The following DLG2 variants were observed in gnomAD, a reference collection of about 807,000 sequenced individuals.
The protein encoded by DLG2 is discs large MAGUK scaffold protein 2.
A neutral mutation model predicts 132.5 loss-of-function variants in DLG2; 45 were observed. The ratio of observed to expected loss-of-function variants is 0.34; its 90% CI spans 0.27 to 0.44. The LOEUF (loss-of-function observed/expected upper bound fraction) is 0.44, where lower values mean the gene tolerates loss of function less well. Among genes scored for constraint, DLG2 ranks in the 20% least tolerant of loss-of-function variants. DLG2 has a pLI of 1.00. For synonymous variants in DLG2, 424 were observed against 419.6 expected (o/e 1.01, Z -0.13); for missense variants, 1,045 against 1,196.9 (o/e 0.87, Z 1.87).
At position 83,733,475 on chromosome 11, in the gene DLG2, T is replaced by C. The variant is rs1002936348; in HGVS notation, c.1825+53215A>G. ...TGTATTTGGTATTTGATTTTCAGTC[T>C]CTAGCACAGAAGCTGGCAAGTAGCT... On this transcript the variant is annotated intron_variant, in intron 18 of 27. Transcript: ENST00000376104. Among the ~76,000 whole-genome samples the C allele has an allele frequency of 3.3e-5, 5 of 152,178 alleles. 1 individual carries two copies. The highest frequency in any genetic ancestry group is 1.2e-4 in the African/African-American group (5 of 41,436).
At chr11:84,258,892 C>A (rs2097515227) in intron 7 of DLG2, among the ~76,000 whole-genome samples, 1 of 152,138 alleles carries the variant, frequency 6.6e-6, no homozygotes, top group Non-Finnish European at 1.5e-5. Flanking sequence ...TTTCTGGGTC[C>A]CTTAATGTCT....
At chr11:84,319,748 T>C (rs1200821472) in intron 7 of DLG2, among the ~76,000 whole-genome samples, 1 of 152,262 alleles carries the variant, frequency 6.6e-6, no homozygotes, top group Non-Finnish European at 1.5e-5. Flanking sequence ...AGCATGTCAT[T>C]TCTTTATAGT....
Position 84,251,307 on chromosome 11 carries a change from GA to G in DLG2, c.520-17del, listed in dbSNP as rs773273025. The G allele has an allele frequency of 1.1e-5, 17 of 1,549,640 alleles. No homozygotes were observed. The highest frequency in any genetic ancestry group is 5.0e-5 in the South Asian group (4 of 80,418). ...CAGGACTGGCCTGAAAAAAGAAATA[GA>G]AAAAAAATTAAATAATGAATAGTGT... On this transcript the variant is annotated splice_polypyrimidine_tract_variant and intron_variant, in intron 7 of 27. Coordinates refer to ENST00000376104, the MANE Select transcript of DLG2 (RefSeq NM_001142699.3).
At chr11:85,026,059 CAGA>C (rs1206983948) in intron 6 of DLG2, among the ~76,000 whole-genome samples, 2 of 151,776 alleles carry the variant, frequency 1.3e-5, no homozygotes. Flanking sequence ...CTTGATGGTG[CAGA>C]AGATCTTCTG....
intron 15 of DLG2, among the ~76,000 whole-genome samples, chr11:83,906,316 CA>C (rs57318019): frequency 0.016 from 1,524 of 97,072 alleles, 53 homozygotes; most frequent in East Asian, 0.025. Context: ...CACACACACA[CA>C]CACCTCGGCC....
At chr11:84,369,064 A>G (rs2098695663) in intron 7 of DLG2, among the ~76,000 whole-genome samples, 1 of 152,164 alleles carries the variant, frequency 6.6e-6, no homozygotes, top group South Asian at 2.1e-4. Context: ...AGCCAAGAGT[A>G]TAATTTGAAA....
At chr11:83,982,495 A>AAG in intron 11 of DLG2, among the ~76,000 whole-genome samples, 1 of 151,646 alleles carries the variant, frequency 6.6e-6, no homozygotes, top group African/African-American at 2.4e-5. Context: ...AAAAAAAAAA[A>AAG]AAAAGAAAAG....
At chr11:84,204,226 G>A (rs1247417129) in intron 8 of DLG2, among the ~76,000 whole-genome samples, 2 of 152,126 alleles carry the variant, frequency 1.3e-5, no homozygotes, top group Admixed American at 6.5e-5. Context: ...CAAAGTGCTG[G>A]GATTACAGGC....
At chr11:85,134,280 A>G (rs1234073057) in intron 5 of DLG2, among the ~76,000 whole-genome samples, 1 of 150,308 alleles carries the variant, frequency 6.7e-6, no homozygotes, top group African/African-American at 2.5e-5. Context: ...TAAAAAGTAT[A>G]CTTTCTTGGG....
chr11:84,877,512 C>CTTTTTTTTTTTTTT (rs60339036), intron 6 of DLG2, among the ~76,000 whole-genome samples: 14 of 57,450 alleles, frequency 2.4e-4, no homozygotes, highest in East Asian at 6.1e-4. Flanking sequence ...GCAACCCCTG[C>CTTTTTTTTTTTTTT]TTTTTTTTTT....
chr11:84,083,370 G>A (rs2096930598), intron 10 of DLG2, among the ~76,000 whole-genome samples: 1 of 152,162 alleles, frequency 6.6e-6, no homozygotes, highest in African/African-American at 2.4e-5. Flanking sequence ...ATTAATCTGG[G>A]ATGAAAGCCA....
chr11:83,595,863 C>T (rs1187830429), intron 19 of DLG2, among the ~76,000 whole-genome samples: 1 of 152,170 alleles, frequency 6.6e-6, no homozygotes, highest in South Asian at 2.1e-4. Flanking sequence ...AATCTCATAA[C>T]TATGCCCTTG....
intron 6 of DLG2, among the ~76,000 whole-genome samples, chr11:84,707,303 T>C (rs1386996416): frequency 6.6e-6 from 1 of 151,820 alleles, no homozygotes; most frequent in East Asian, 1.9e-4. Context: ...AGATTTTTAT[T>C]TTTTTCATTC....
chr11:83,457,967 C>T lies in DLG2; in HGVS notation c.*1851G>A, dbSNP rs759247747. On this transcript the variant is annotated 3_prime_UTR_variant, in exon 28 of 28. Transcript: ENST00000376104. ...TAGCCAGGCAGACAATGATGTTTAG[C>T]GTAAGATGAACAATGCCTGTTTTTG... is the stretch of plus-strand genomic sequence containing the variant. 5 of 152,654 alleles carry T rather than the reference C, an allele frequency of 3.3e-5. No homozygotes were observed. Among genetic ancestry groups the T allele is most frequent in the East Asian group, 1.9e-4 (1 of 5,184 alleles). 9.5% of individuals were successfully genotyped at this position (152,654 alleles called of 1,614,324 possible).
chr11:84,658,544 G>T (rs189827358), intron 6 of DLG2, among the ~76,000 whole-genome samples: 37 of 152,088 alleles, frequency 2.4e-4, no homozygotes, highest in Non-Finnish European at 1.5e-4. Context: ...AATGCTAAAG[G>T]TAGGGTCTGG....
At chr11:84,899,847 T>A (rs2090671415) in intron 6 of DLG2, among the ~76,000 whole-genome samples, 1 of 152,010 alleles carries the variant, frequency 6.6e-6, no homozygotes, top group Admixed American at 6.6e-5. Context: ...TGCTTAAACT[T>A]CTCTCTGGGA....
intron 7 of DLG2, among the ~76,000 whole-genome samples, chr11:84,370,109 A>T (rs958142688): frequency 6.6e-6 from 1 of 152,282 alleles, no homozygotes; most frequent in Middle Eastern, 3.4e-3. Context: ...GGAAGAGGAT[A>T]TCCCCTCTTT....
At chr11:85,029,878 G>T (rs2060864570) in intron 6 of DLG2, among the ~76,000 whole-genome samples, 1 of 152,176 alleles carries the variant, frequency 6.6e-6, no homozygotes, top group Admixed American at 6.5e-5. Context: ...GCTTGTGTGT[G>T]TGTGTGTATG....
chr11:83,746,277 C>T (rs367762838), intron 18 of DLG2, among the ~76,000 whole-genome samples: 7 of 152,134 alleles, frequency 4.6e-5, no homozygotes, highest in African/African-American at 9.7e-5. Flanking sequence ...CATATGCACA[C>T]GTATGTTTAT....
Sources: allele counts gnomAD v4.1 joint callset (sites outside exome capture counted in the v4.1 genomes callset), GRCh38; gene constraint gnomAD v4.1.1; transcripts MANE v1.5; gene names NCBI Gene and HGNC (gene_info 2026-07-23, HGNC 2026-07-21).